Variants in ANKS1B observed in about 807,000 individuals in gnomAD.
The protein encoded by ANKS1B is ankyrin repeat and sterile alpha motif domain-containing protein 1B.
Under a neutral mutation model 148.3 loss-of-function variants are expected in ANKS1B, and 36 were observed. That is an observed-to-expected ratio of 0.24 (90% CI 0.19 to 0.32). The LOEUF is 0.32. ANKS1B is among the 10% of genes least tolerant of loss of function. The pLI is 1.00. For missense variants in ANKS1B, 1,157 were observed against 1,542.6 expected (o/e 0.75, Z 4.19); for synonymous variants, 542 against 560.8 (o/e 0.97, Z 0.47).
intron 12 of ANKS1B, among the ~76,000 whole-genome samples, chr12:99,278,387 A>G (rs1302085239): frequency 6.6e-6 from 1 of 152,328 alleles, no homozygotes; most frequent in African/African-American, 2.4e-5. Flanking sequence ...GACTTTACAT[A>G]AGCAAGGAAA....
At chr12:98,809,711 A>T (rs766625168) in intron 19 of ANKS1B, among the ~76,000 whole-genome samples, 14 of 152,114 alleles carry the variant, frequency 9.2e-5, no homozygotes, top group Non-Finnish European at 1.2e-4. Flanking sequence ...ATGAACAGAA[A>T]CTAAAAATAA....
At chr12:99,429,863 C>T (rs1051081565) in intron 11 of ANKS1B, among the ~76,000 whole-genome samples, 2 of 151,994 alleles carry the variant, frequency 1.3e-5, no homozygotes, top group Non-Finnish European at 2.9e-5. Flanking sequence ...ACTCGGGCAG[C>T]TGAGGCAGGA....
chr12:99,894,822 C>T (rs2093324038), intron 1 of ANKS1B, among the ~76,000 whole-genome samples: 1 of 148,690 alleles, frequency 6.7e-6, no homozygotes, highest in South Asian at 2.1e-4. Context: ...TAATAAATAT[C>T]CAACAATTTA....
intron 9 of ANKS1B, among the ~76,000 whole-genome samples, chr12:99,565,300 T>C (rs1053208930): frequency 6.6e-6 from 1 of 152,176 alleles, no homozygotes; most frequent in African/African-American, 2.4e-5. Flanking sequence ...GATGAGGCTC[T>C]TCATTGCAAT....
chr12:99,672,611 C>T (rs1394078400), intron 8 of ANKS1B, among the ~76,000 whole-genome samples: 2 of 152,066 alleles, frequency 1.3e-5, no homozygotes, highest in East Asian at 3.9e-4. Context: ...CTTCTGAGTT[C>T]CTGTGATGTT....
chr12:99,024,940 CCCTCCCTCACGCTT>C lies in ANKS1B; in HGVS notation c.2778+28203_2778+28216del, dbSNP rs2099947903. ...AACCAATTCTAAGAAGTTTATCCTG[CCCTCCCTCACGCTT>C]CCTGTCCCACGGAAGCTCCAATAAA... On this transcript the variant is annotated intron_variant, in intron 17 of 26. Coordinates refer to ENST00000683438, the MANE Select transcript of ANKS1B (RefSeq NM_001352186.2). Among the ~76,000 whole-genome samples the C allele has an allele frequency of 2.6e-5, 4 of 152,098 alleles. No individual in the cohort carries two copies. The South Asian group carries it at 8.3e-4, about 32-fold the overall frequency.
At chr12:99,507,382 C>CT (rs1199264459) in intron 9 of ANKS1B, among the ~76,000 whole-genome samples, 1 of 151,848 alleles carries the variant, frequency 6.6e-6, no homozygotes, top group African/African-American at 2.4e-5. Context: ...GGTTAATTTG[C>CT]TTTCTTCCTT....
At chr12:99,798,622 GAAT>G (rs1036717462) in intron 4 of ANKS1B, among the ~76,000 whole-genome samples, 3 of 151,824 alleles carry the variant, frequency 2.0e-5, no homozygotes, top group Non-Finnish European at 2.9e-5. Context: ...GAGTGCCAAA[GAAT>G]AAAGGACCTA....
intron 19 of ANKS1B, among the ~76,000 whole-genome samples, chr12:98,817,689 T>C (rs1375692903): frequency 1.3e-5 from 2 of 152,244 alleles, no homozygotes; most frequent in Non-Finnish European, 2.9e-5. Flanking sequence ...TTATTTCTAG[T>C]TCTAAAGTGT....
At chr12:99,765,110 G>A (rs914936784) in intron 8 of ANKS1B, among the ~76,000 whole-genome samples, 10 of 152,280 alleles carry the variant, frequency 6.6e-5, no homozygotes, top group Middle Eastern at 3.4e-3. Context: ...TGATCTACTT[G>A]TAAGACATTG....
At chr12:99,527,716 T>C (rs536111525) in intron 9 of ANKS1B, among the ~76,000 whole-genome samples, 15 of 152,326 alleles carry the variant, frequency 9.8e-5, no homozygotes, top group African/African-American at 3.4e-4. Flanking sequence ...GTCTTACAGT[T>C]TCCTCATCTG....
chr12:99,504,799 CA>C, intron 9 of ANKS1B, 158 bp from the exon 10 acceptor site: 1 of 577,418 alleles, frequency 1.7e-6, no homozygotes, highest in East Asian at 3.0e-5. Flanking sequence ...CATGTAAACC[CA>C]ATATCAGTGA....
At chr12:99,053,544 AACTCTAT>A (rs2099967600) in intron 16 of ANKS1B, among the ~76,000 whole-genome samples, 1 of 152,250 alleles carries the variant, frequency 6.6e-6, no homozygotes, top group East Asian at 1.9e-4. Flanking sequence ...CTGCTAGATT[AACTCTAT>A]ATTTGGAAGA....
At chr12:99,526,684 C>A (rs2096929970) in intron 9 of ANKS1B, among the ~76,000 whole-genome samples, 1 of 152,070 alleles carries the variant, frequency 6.6e-6, no homozygotes, top group Admixed American at 6.6e-5. Context: ...TTGGAGGTAC[C>A]AATTTAACAT....
At chr12:99,343,811 A>G (rs1446237837) in intron 12 of ANKS1B, 1 of 152,014 alleles carries the variant, frequency 6.6e-6, no homozygotes, top group Non-Finnish European at 1.5e-5. Flanking sequence ...CTTATGCTCC[A>G]ATGAAATTAC....
At chr12:99,752,693 A>C (rs532551260) in intron 8 of ANKS1B, among the ~76,000 whole-genome samples, 8 of 152,076 alleles carry the variant, frequency 5.3e-5, no homozygotes, top group Admixed American at 2.0e-4. Flanking sequence ...GTACCCCTTC[A>C]CAATATACCC....
At chr12:99,851,445 A>G (rs1339212985) in intron 1 of ANKS1B, among the ~76,000 whole-genome samples, 3 of 152,146 alleles carry the variant, frequency 2.0e-5, no homozygotes, top group Admixed American at 6.5e-5. Context: ...ACAAGTATTA[A>G]TATGTCTACT....
chr12:99,240,629 T>C (rs2089108345), intron 14 of ANKS1B, among the ~76,000 whole-genome samples: 1 of 152,120 alleles, frequency 6.6e-6, no homozygotes, highest in Non-Finnish European at 1.5e-5. Flanking sequence ...TATTCTAAAA[T>C]TGACCACATA....
At chr12:98,918,404 G>A (rs1340474797) in intron 17 of ANKS1B, among the ~76,000 whole-genome samples, 1 of 152,226 alleles carries the variant, frequency 6.6e-6, no homozygotes, top group Non-Finnish European at 1.5e-5. Context: ...AAAACGCTGA[G>A]CAGAATGTGA....
Sources: allele counts gnomAD v4.1 joint callset (sites outside exome capture counted in the v4.1 genomes callset), GRCh38; gene constraint gnomAD v4.1.1; transcripts MANE v1.5; gene names NCBI Gene and HGNC (gene_info 2026-07-23, HGNC 2026-07-21).